The following TMEM243 variants were observed in gnomAD, a reference collection of about 807,000 sequenced individuals.
TMEM243 encodes the protein MDR1 and mitochondrial taxol resistance associated.
A neutral mutation model predicts 15.0 loss-of-function variants in TMEM243; 20 were observed. The observed-to-expected ratio is 1.33, with a 90% CI of 0.94 to 1.93. The LOEUF is 1.93. Ranked by LOEUF, TMEM243 falls within the 30% of genes most tolerant of loss-of-function variation. The pLI, the probability that TMEM243 is intolerant of heterozygous loss-of-function variation, is 0.00. For missense variants in TMEM243, 156 were observed against 142.1 expected, an observed-to-expected ratio of 1.10 and a Z score of -0.50; for synonymous variants, 72 against 52.7, an observed-to-expected ratio of 1.37 and a Z score of -1.59.
chr7:87,209,817 AGAGC>A (rs1442172658), intron 1 of TMEM243, among the ~76,000 whole-genome samples: 4 of 145,110 alleles, frequency 2.8e-5, no homozygotes, highest in African/African-American at 8.0e-5. Flanking sequence ...AGACAGTGAG[AGAGC>A]GAGAGACAGT....
intron 1 of TMEM243, among the ~76,000 whole-genome samples, chr7:87,217,416 C>T (rs1224754913): frequency 6.6e-6 from 1 of 152,194 alleles, no homozygotes; most frequent in African/African-American, 2.4e-5. Context: ...TGTGTCCTAC[C>T]CTTTCACTAT....
chr7:87,199,175 G>T, intron 1 of TMEM243, 118 bp from the exon 2 acceptor site: 1 of 736,470 alleles, frequency 1.4e-6, no homozygotes, highest in Non-Finnish European at 2.2e-6. Flanking sequence ...AGTCCTCTGA[G>T]CTTTACACAT....
intron 1 of TMEM243, 64 bp from the exon 2 acceptor site, chr7:87,199,121 A>G (rs930130275): frequency 2.4e-5 from 32 of 1,332,318 alleles, no homozygotes; most frequent in African/African-American, 7.6e-5. Context: ...GTATAGTACA[A>G]TGCAAGGCAT....
Position 87,210,000 on chromosome 7 carries a change from A to AG in TMEM243, c.78+9425dup, listed in dbSNP as rs1260603064. Among the ~76,000 whole-genome samples, 4 of 85,868 alleles carry AG rather than the reference A, an allele frequency of 4.7e-5. No individual in the cohort carries two copies. The Admixed American group carries it at 6.1e-4, about 13-fold the overall frequency. The allele number at this position is 85,868 out of a possible 152,430, so 56.3% of individuals were successfully genotyped here. A position where few individuals can be genotyped will look rare whatever the true frequency, so the allele number is the denominator to read the frequency against. ...ACAGAGAGAGAGACAGAGGAGAGGG[A>AG]GGGGGGACAGAGAGAGAGGAGGGGG... On this transcript the variant is annotated intron_variant, in intron 1 of 3. Transcript: ENST00000257637.
At chr7:87,212,369 A>G (rs1220347439) in intron 1 of TMEM243, among the ~76,000 whole-genome samples, 1 of 152,152 alleles carries the variant, frequency 6.6e-6, no homozygotes, top group South Asian at 2.1e-4. Flanking sequence ...ATCCACCCAT[A>G]TGTCCCTTCA....
In TMEM243 at chr7:87,197,932, A is replaced by G. The variant is rs1295552946; in HGVS notation, c.234+9T>C. 2 of 1,612,964 alleles carry G rather than the reference A, an allele frequency of 1.2e-6. No homozygotes were observed. Among genetic ancestry groups the G allele is most frequent in the East Asian group, 4.5e-5 (2 of 44,810 alleles). On this transcript the variant is annotated intron_variant, in intron 3 of 3. Transcript: ENST00000257637. ...CAAGAACACTGTTTAAATTCTCAAC[A>G]GTACTTACAAGTATGCAGGCAGTAA...
Position 87,209,638 on chromosome 7 carries a change from G to A in TMEM243, c.78+9788C>T, listed in dbSNP as rs1036429442. Among the ~76,000 whole-genome samples the A allele has an allele frequency of 6.2e-4, 67 of 108,680 alleles. 4 individuals carry two copies. Among genetic ancestry groups the A allele is most frequent in the Non-Finnish European group, 1.1e-3 (61 of 55,356 alleles). The allele number at this position is 108,680 out of a possible 152,430, so 71.3% of individuals were successfully genotyped here. On this transcript the variant is annotated intron_variant, in intron 1 of 3. Coordinates refer to ENST00000257637, the MANE Select transcript of TMEM243 (RefSeq NM_024315.4). ...AGAGAGAGAGACTGAGATAGAGAGC[G>A]AGAGAGACAGTGAGAGACAGAGCGA... is the stretch of plus-strand genomic sequence containing the variant.
chr7:87,213,323 CTTAA>C (rs1802890708), intron 1 of TMEM243, among the ~76,000 whole-genome samples: 1 of 152,164 alleles, frequency 6.6e-6, no homozygotes, highest in Admixed American at 6.5e-5. Flanking sequence ...ATTTATTTTT[CTTAA>C]TTACTTTTCT....
At chr7:87,214,506 G>C (rs1231132518) in intron 1 of TMEM243, among the ~76,000 whole-genome samples, 1 of 152,160 alleles carries the variant, frequency 6.6e-6, no homozygotes, top group Non-Finnish European at 1.5e-5. Context: ...ATGCTCTAGG[G>C]AGCTGGAGTT....
chr7:87,210,035 CAG>C lies in TMEM243; in HGVS notation c.78+9389_78+9390del, dbSNP rs953150271. On this transcript the variant is annotated intron_variant, in intron 1 of 3. Transcript: ENST00000257637. ...GAGAGAGAGGAGGGGGAGGAGGTGA[CAG>C]AGAGACAGAGGAGGGGAAGGGGGGA... Among the ~76,000 whole-genome samples, 6 of 81,992 alleles carry C rather than the reference CAG, an allele frequency of 7.3e-5. No homozygotes were observed. The East Asian group carries it at 2.0e-3, about 28-fold the overall frequency. The allele number at this position is 81,992 out of a possible 152,430, so 53.8% of individuals were successfully genotyped here. A position where few individuals can be genotyped will look rare whatever the true frequency, so the allele number is the denominator to read the frequency against.
chr7:87,206,947 A>C lies in TMEM243; in HGVS notation c.79-7890T>G, dbSNP rs567456479. The stretch of plus-strand genomic sequence containing the variant: ...ACTTAGGGCCTGGCCTATCAATAGG[A>C]ACATAATGTGCCTCACTGCTGCAGG... On this transcript the variant is annotated intron_variant, in intron 1 of 3. Coordinates refer to ENST00000257637, the MANE Select transcript of TMEM243 (RefSeq NM_024315.4). Among the ~76,000 whole-genome samples, 3 of 152,362 alleles carry C rather than the reference A, an allele frequency of 2.0e-5. No homozygotes were observed. In the South Asian group the frequency reaches 6.2e-4, roughly 32 times the overall value.
intron 1 of TMEM243, among the ~76,000 whole-genome samples, chr7:87,210,404 G>A (rs574578295): frequency 6.6e-6 from 1 of 152,294 alleles, no homozygotes; most frequent in East Asian, 1.9e-4. Flanking sequence ...AAAAGTCCAA[G>A]TCCAAAGTCT....
chr7:87,197,824 G>A, intron 3 of TMEM243, 117 bp downstream of exon 3: 1 of 1,555,840 alleles, frequency 6.4e-7, no homozygotes, highest in Non-Finnish European at 8.7e-7. Context: ...TTTAGGGGGA[G>A]GATGAGGATA....
chr7:87,211,264 T>A (rs1354545118), intron 1 of TMEM243, among the ~76,000 whole-genome samples: 1 of 152,150 alleles, frequency 6.6e-6, no homozygotes, highest in Admixed American at 6.5e-5. Flanking sequence ...AAAGGCTCAA[T>A]CCCATTTTAT....
At chr7:87,200,076 T>A (rs1177141275) in intron 1 of TMEM243, among the ~76,000 whole-genome samples, 1 of 152,154 alleles carries the variant, frequency 6.6e-6, no homozygotes, top group Non-Finnish European at 1.5e-5. Flanking sequence ...AATTCTCATT[T>A]CCAAGTAGTC....
At chr7:87,212,465 G>A (rs1200504470) in intron 1 of TMEM243, among the ~76,000 whole-genome samples, 1 of 152,066 alleles carries the variant, frequency 6.6e-6, no homozygotes, top group Non-Finnish European at 1.5e-5. Flanking sequence ...GTAAGCAAAG[G>A]ATATTACCAA....
At chr7:87,205,813 ATCT>A (rs1156645964) in intron 1 of TMEM243, among the ~76,000 whole-genome samples, 1 of 152,080 alleles carries the variant, frequency 6.6e-6, no homozygotes, top group Non-Finnish European at 1.5e-5. Context: ...AACTTTTCCT[ATCT>A]TCTTCTGAGC....
At chr7:87,209,665 A>AGAGC (rs1562884914) in intron 1 of TMEM243, among the ~76,000 whole-genome samples, 2 of 25,876 alleles carry the variant, frequency 7.7e-5, no homozygotes, top group African/African-American at 5.8e-4. Flanking sequence ...ACAGAGCGAG[A>AGAGC]GAGAGCGAGA....
intron 1 of TMEM243, among the ~76,000 whole-genome samples, chr7:87,210,587 C>A (rs1802675150): frequency 6.6e-6 from 1 of 152,244 alleles, no homozygotes; most frequent in Admixed American, 6.5e-5. Context: ...TAAAACCCAG[C>A]AGGGCAGTCA....
Sources: allele counts gnomAD v4.1 joint callset (sites outside exome capture counted in the v4.1 genomes callset), GRCh38; gene constraint gnomAD v4.1.1; transcripts MANE v1.5; gene names NCBI Gene and HGNC (gene_info 2026-07-23, HGNC 2026-07-21).